CLDN10: variants seen among roughly 807,000 people sequenced by gnomAD.
The protein encoded by CLDN10 is claudin-10.
In CLDN10, 15 loss-of-function variants were observed where a neutral mutation model predicts 22.9. The ratio of observed to expected loss-of-function variants is 0.65; its 90% CI spans 0.44 to 1.01. CLDN10 has a LOEUF of 1.01. Among genes scored for constraint, CLDN10 ranks in the 50% least tolerant of loss-of-function variants. CLDN10 has a pLI of 0.00. For missense variants in CLDN10, 247 were observed against 287.8 expected (o/e 0.86, Z 1.03); for synonymous variants, 114 against 111.4 (o/e 1.02, Z -0.15).
At chr13:95,575,794 C>T (rs2043916885) in intron 3 of CLDN10, among the ~76,000 whole-genome samples, 1 of 152,186 alleles carries the variant, frequency 6.6e-6, no homozygotes, top group Admixed American at 6.5e-5. Flanking sequence ...AAAGGCAACA[C>T]AAGAGTGAGT....
In CLDN10 at chr13:95,578,077, C is replaced by G. The variant is rs1054206769; in HGVS notation, c.*63C>G. 1 of 825,342 alleles carries G rather than the reference C, an allele frequency of 1.2e-6. No individual in the cohort carries two copies. Among genetic ancestry groups the G allele is most frequent in the African/African-American group, 1.7e-5 (1 of 57,712 alleles). The allele number at this position is 825,342 out of a possible 1,614,324, so 51.1% of individuals were successfully genotyped here. A position where few individuals can be genotyped will look rare whatever the true frequency, so the allele number is the denominator to read the frequency against. ...AAAAGCGAACTGTTCACAAAATGAT[C>G]CCATCAAGGCCCTCCCATAATTAAC... On this transcript the variant is annotated 3_prime_UTR_variant, in exon 5 of 5. Coordinates refer to ENST00000299339, the MANE Select transcript of CLDN10 (RefSeq NM_006984.5).
chr13:95,548,589 A>G (rs1005684478), upstream of CLDN10, among the ~76,000 whole-genome samples: 2 of 152,214 alleles, frequency 1.3e-5, no homozygotes, highest in African/African-American at 4.8e-5. Flanking sequence ...TGCTAAGTAG[A>G]TTACAAATAT....
chr13:95,480,075 A>G (rs113536202), intron 1 of CLDN10: 4,371 of 151,908 alleles, frequency 0.029, 84 homozygotes, highest in African/African-American at 0.051. Context: ...TGAAGGAGGA[A>G]CGTCACATCC....
rs1260056629 is a variant in CLDN10, at chr13:95,578,234, C to T, written c.*220C>T. 5.8e-6 allele frequency: 2 copies of T among 345,840 alleles called. No homozygotes were observed. The highest frequency in any genetic ancestry group is 1.0e-5 in the Non-Finnish European group (2 of 191,384). 21.4% of individuals were successfully genotyped at this position (345,840 alleles called of 1,614,324 possible). A position where few individuals can be genotyped will look rare whatever the true frequency, so the allele number is the denominator to read the frequency against. On this transcript the variant is annotated 3_prime_UTR_variant, in exon 5 of 5. Transcript: ENST00000299339. ...CTATAAAAAATAAACAGTTTATTTA[C>T]AGGATTTGTAAAATGTTTTCTACAT...
At chr13:95,556,334 T>G (rs938764394) in intron 1 of CLDN10, among the ~76,000 whole-genome samples, 5 of 152,160 alleles carry the variant, frequency 3.3e-5, no homozygotes, top group African/African-American at 9.7e-5. Context: ...GCATGAGCCA[T>G]GCGCCCAGCC....
intron 1 of CLDN10, among the ~76,000 whole-genome samples, chr13:95,438,983 A>T (rs1413715186): frequency 5.7e-4 from 86 of 151,148 alleles, no homozygotes; most frequent in African/African-American, 2.0e-3. Context: ...CGCAAAAAAA[A>T]AAAAAAAAAA....
intron 1 of CLDN10, among the ~76,000 whole-genome samples, chr13:95,448,870 G>C (rs185355304): frequency 6.6e-6 from 1 of 151,684 alleles, no homozygotes; most frequent in Admixed American, 6.6e-5. Flanking sequence ...CTCCCAAGTA[G>C]CTGGGATTAT....
At chr13:95,556,537 G>C (rs1319196389) in intron 1 of CLDN10, among the ~76,000 whole-genome samples, 1 of 152,212 alleles carries the variant, frequency 6.6e-6, no homozygotes, top group African/African-American at 2.4e-5. Flanking sequence ...ATGCTTTGAT[G>C]ACTTTCTTAC....
chr13:95,529,839 C>G (rs924252977), intron 1 of CLDN10, among the ~76,000 whole-genome samples: 23 of 152,026 alleles, frequency 1.5e-4, no homozygotes, highest in Non-Finnish European at 1.8e-4. Context: ...CAGGACATAG[C>G]TCTCCCTTGA....
intron 1 of CLDN10, among the ~76,000 whole-genome samples, chr13:95,482,156 A>C (rs1467386371): frequency 2.0e-5 from 3 of 152,248 alleles, no homozygotes; most frequent in African/African-American, 7.2e-5. Flanking sequence ...CTTATTTCAC[A>C]TCGCATGCCT....
intron 1 of CLDN10, among the ~76,000 whole-genome samples, chr13:95,466,644 G>A (rs1171418726): frequency 6.6e-6 from 1 of 151,910 alleles, no homozygotes; most frequent in Non-Finnish European, 1.5e-5. Flanking sequence ...GGAGGCAAGT[G>A]GAAATATATC....
chr13:95,462,686 T>C (rs1296407845), intron 1 of CLDN10, among the ~76,000 whole-genome samples: 1 of 152,164 alleles, frequency 6.6e-6, no homozygotes, highest in Admixed American at 6.6e-5. Flanking sequence ...ATTAAGTATT[T>C]GGAGAAGAAG....
At chr13:95,444,965 A>G (rs1490735584) in intron 1 of CLDN10, among the ~76,000 whole-genome samples, 1 of 152,152 alleles carries the variant, frequency 6.6e-6, no homozygotes, top group Non-Finnish European at 1.5e-5. Flanking sequence ...TAGTAGAGAC[A>G]GCGTTTTACC....
chr13:95,433,950 A>G, exon 1 of CLDN10: 6 of 1,614,220 alleles, frequency 3.7e-6, no homozygotes, highest in Non-Finnish European at 5.1e-6. Context: ...CGGTGATAAC[A>G]GCCACTTGGG....
At chr13:95,453,248 A>G (rs1173877601) in intron 1 of CLDN10, among the ~76,000 whole-genome samples, 2 of 152,142 alleles carry the variant, frequency 1.3e-5, no homozygotes, top group African/African-American at 4.8e-5. Context: ...CCCTATCAAT[A>G]TTTGTAATTA....
intron 1 of CLDN10, among the ~76,000 whole-genome samples, chr13:95,454,438 A>AAG (rs936195520): frequency 3.3e-5 from 5 of 151,694 alleles, no homozygotes; most frequent in African/African-American, 7.3e-5. Flanking sequence ...TCAAAATTGA[A>AAG]AGAGAGAGAG....
chr13:95,492,751 C>A (rs967755641), intron 1 of CLDN10, among the ~76,000 whole-genome samples: 1 of 152,120 alleles, frequency 6.6e-6, no homozygotes, highest in African/African-American at 2.4e-5. Flanking sequence ...TGGAGTTTTA[C>A]CCCCTTCTCC....
At chr13:95,487,823 C>T (rs949266493) in intron 1 of CLDN10, among the ~76,000 whole-genome samples, 3 of 151,684 alleles carry the variant, frequency 2.0e-5, no homozygotes, top group African/African-American at 7.3e-5. Context: ...TACAGGTGCA[C>T]ACCACCATGC....
At chr13:95,551,468 C>G (rs776307871), upstream of CLDN10, among the ~76,000 whole-genome samples, 3 of 152,070 alleles carry the variant, frequency 2.0e-5, no homozygotes, top group Non-Finnish European at 4.4e-5. Context: ...CTATGTCCAG[C>G]TTCCTCTCTT....
Sources: allele counts gnomAD v4.1 joint callset (sites outside exome capture counted in the v4.1 genomes callset), GRCh38; gene constraint gnomAD v4.1.1; transcripts MANE v1.5; gene names NCBI Gene and HGNC (gene_info 2026-07-23, HGNC 2026-07-21).